Variants in ABAT observed in about 807,000 individuals in gnomAD.
ABAT encodes the protein 4-aminobutyrate aminotransferase, mitochondrial.
Under a neutral mutation model 64.6 loss-of-function variants are expected in ABAT, and 45 were observed. That is an observed-to-expected ratio of 0.70 (90% CI 0.55 to 0.89). The LOEUF is 0.89. ABAT is among the 40% of genes least tolerant of loss of function. The probability of loss-of-function intolerance (pLI) is 0.00; values close to 1 mark genes in which losing one functional copy is unlikely to be tolerated. For missense variants in ABAT, 633 were observed against 658.4 expected, an observed-to-expected ratio of 0.96 and a Z score of 0.42; for synonymous variants, 297 against 250.5, an observed-to-expected ratio of 1.19 and a Z score of -1.75.
chr16:8,726,015 A>G (rs1160856982), intron 1 of ABAT, among the ~76,000 whole-genome samples: 1 of 151,894 alleles, frequency 6.6e-6, no homozygotes, highest in Non-Finnish European at 1.5e-5. Flanking sequence ...CTGCCTAAAC[A>G]CAGACCCTTC....
intron 1 of ABAT, among the ~76,000 whole-genome samples, chr16:8,734,062 C>T (rs2058840632): frequency 6.6e-6 from 1 of 152,098 alleles, no homozygotes; most frequent in African/African-American, 2.4e-5. Context: ...TTGCTTCCAC[C>T]TCTTGGCTAT....
At chr16:8,740,892 A>G (rs1434915025) in intron 2 of ABAT, among the ~76,000 whole-genome samples, 1 of 152,256 alleles carries the variant, frequency 6.6e-6, no homozygotes, top group East Asian at 1.9e-4. Flanking sequence ...AGATAAAAAA[A>G]ATTTTTTAAC....
At chr16:8,685,013 G>A (rs763371772) in intron 1 of ABAT, among the ~76,000 whole-genome samples, 25 of 152,144 alleles carry the variant, frequency 1.6e-4, no homozygotes, top group Admixed American at 6.5e-4. Flanking sequence ...GGCCAGGCAT[G>A]GTGGTTCATG....
chr16:8,779,681 T>G, intron 15 of ABAT, 91 bp downstream of exon 15: 1 of 1,020,084 alleles, frequency 9.8e-7, no homozygotes, highest in South Asian at 1.3e-5. Context: ...AGCAATATTT[T>G]GTGTGGGGGG....
At chr16:8,682,382 C>T (rs2057356696) in intron 1 of ABAT, among the ~76,000 whole-genome samples, 1 of 152,064 alleles carries the variant, frequency 6.6e-6, no homozygotes, top group African/African-American at 2.4e-5. Context: ...TTACAAATTC[C>T]ACTGTGGGAA....
intron 4 of ABAT, among the ~76,000 whole-genome samples, chr16:8,748,686 G>C (rs1567302088): frequency 6.6e-6 from 1 of 152,198 alleles, no homozygotes. Context: ...TTCTGTTTTT[G>C]TCTGTGTATT....
chr16:8,696,618 T>TC (rs1349925376), intron 1 of ABAT, among the ~76,000 whole-genome samples: 14 of 152,054 alleles, frequency 9.2e-5, no homozygotes, highest in African/African-American at 3.4e-4. Flanking sequence ...AGACTCTGTC[T>TC]CAAAAAAAAA....
intron 1 of ABAT, among the ~76,000 whole-genome samples, chr16:8,691,135 T>C (rs1184302914): frequency 2.6e-5 from 4 of 152,194 alleles, no homozygotes; most frequent in African/African-American, 9.6e-5. Context: ...GGCACATAGC[T>C]TGATGCTACA....
chr16:8,742,073 C>A (rs1473542723), intron 2 of ABAT, among the ~76,000 whole-genome samples: 1 of 152,198 alleles, frequency 6.6e-6, no homozygotes. Context: ...ATACAGTTCT[C>A]GGAACAGACC....
chr16:8,686,969 A>G (rs932088859), intron 1 of ABAT, among the ~76,000 whole-genome samples: 1 of 152,200 alleles, frequency 6.6e-6, no homozygotes, highest in African/African-American at 2.4e-5. Flanking sequence ...GTTTGTACTC[A>G]GGGGCTTTGG....
intron 4 of ABAT, among the ~76,000 whole-genome samples, chr16:8,749,090 CTT>C (rs763509254): frequency 2.1e-4 from 29 of 140,186 alleles, no homozygotes; most frequent in Admixed American, 2.2e-4. Flanking sequence ...TTTTGTTCCT[CTT>C]TTTTTTTTTT....
rs748599411 is a variant in ABAT, at chr16:8,784,523, C to G, written c.*3093C>G. On this transcript the variant is annotated 3_prime_UTR_variant, in exon 16 of 16. Coordinates refer to ENST00000268251, the MANE Select transcript of ABAT (RefSeq NM_020686.6). ...ATATGCACAATTCCATGAATTAAATCTGTTTCCTGTGTTAGTCAGTATTCT... is the reference window on the plus strand; with the variant it reads ...ATATGCACAATTCCATGAATTAAATGTGTTTCCTGTGTTAGTCAGTATTCT... 6 of 152,210 alleles carry G rather than the reference C, an allele frequency of 3.9e-5. No individual in the cohort carries two copies. The highest frequency in any genetic ancestry group is 8.8e-5 in the Non-Finnish European group (6 of 68,036). The allele number at this position is 152,210 out of a possible 1,614,324, so 9.4% of individuals were successfully genotyped here.
chr16:8,705,745 C>T (rs764209276), intron 1 of ABAT, among the ~76,000 whole-genome samples: 63 of 152,072 alleles, frequency 4.1e-4, no homozygotes, highest in Non-Finnish European at 6.6e-4. Context: ...TTCTGAATCT[C>T]ATTTCAAAGA....
Position 8,709,121 on chromosome 16 carries a change from G to T in ABAT, c.-41-26578G>T, listed in dbSNP as rs141048388. Among the ~76,000 whole-genome samples, 33 of 152,238 alleles carry T rather than the reference G, an allele frequency of 2.2e-4. No individual in the cohort carries two copies. In the East Asian group the frequency reaches 3.7e-3, roughly 17 times the overall value. ...CGCTAATTAGTTTTCATACTAATTA[G>T]TTTTATGCTAATTTATTACCTGTTG... On this transcript the variant is annotated intron_variant, in intron 1 of 15. Coordinates refer to ENST00000268251, the MANE Select transcript of ABAT (RefSeq NM_020686.6).
chr16:8,711,410 C>T (rs1273863829), intron 1 of ABAT, among the ~76,000 whole-genome samples: 5 of 152,094 alleles, frequency 3.3e-5, no homozygotes, highest in South Asian at 2.1e-4. Context: ...AGTCAAATTC[C>T]GTGGCGTGGT....
At chr16:8,705,259 GGAGAGA>G (rs956254328) in intron 1 of ABAT, among the ~76,000 whole-genome samples, 4 of 151,064 alleles carry the variant, frequency 2.6e-5, no homozygotes, top group Non-Finnish European at 4.4e-5. Flanking sequence ...CAAGGTGGCA[GGAGAGA>G]GAGAGAGAGA....
chr16:8,722,196 T>C (rs940765502), intron 1 of ABAT, among the ~76,000 whole-genome samples: 1 of 152,264 alleles, frequency 6.6e-6, no homozygotes, highest in Non-Finnish European at 1.5e-5. Context: ...GGCGGTCCAC[T>C]CTGTCCGGCT....
chr16:8,743,423 T>TTATATATATATATATATA (rs1182574273), intron 2 of ABAT, among the ~76,000 whole-genome samples: 2,923 of 44,704 alleles, frequency 0.065, 90 homozygotes, highest in Non-Finnish European at 0.072. Context: ...ATGGAAACAG[T>TTATATATATATATATATA]TATATATATA....
At chr16:8,731,238 C>T (rs942060979) in intron 1 of ABAT, among the ~76,000 whole-genome samples, 5 of 152,214 alleles carry the variant, frequency 3.3e-5, no homozygotes, top group African/African-American at 7.2e-5. Context: ...TCCGGGATTA[C>T]AGGAGTGAGC....
Sources: gnomAD v4.1 joint callset for allele counts (sites outside exome capture counted in the v4.1 genomes callset) on GRCh38, gnomAD v4.1.1 for gene constraint, MANE v1.5 for transcripts, NCBI Gene and HGNC (gene_info 2026-07-23, HGNC 2026-07-21) for gene names.